DNAJC27: variants seen among roughly 807,000 people sequenced by gnomAD.
DNAJC27 encodes DnaJ heat shock protein family (Hsp40) member C27, also known as dnaJ homolog subfamily C member 27.
A neutral mutation model predicts 31.4 loss-of-function variants in DNAJC27; 25 were observed. The ratio of observed to expected loss-of-function variants is 0.80; its 90% CI spans 0.58 to 1.11. The LOEUF is 1.11. Among genes scored for constraint, DNAJC27 ranks in the 50% most tolerant of loss-of-function variants. DNAJC27 has a pLI of 0.00. For synonymous variants in DNAJC27, 106 were observed against 112.7 expected (o/e 0.94, Z 0.37); for missense variants, 356 against 347.3 (o/e 1.02, Z -0.20).
At chr2:24,969,671 G>A (rs1211378215) in intron 1 of DNAJC27, among the ~76,000 whole-genome samples, 1 of 152,100 alleles carries the variant, frequency 6.6e-6, no homozygotes, top group Admixed American at 6.5e-5. Context: ...TAGAGATGGG[G>A]TTTCACCATG....
intron 3 of DNAJC27, chr2:24,958,482 G>A (rs562188034): frequency 1.0e-5 from 3 of 295,710 alleles, no homozygotes; most frequent in Admixed American, 3.8e-5. Context: ...CAGAGCCTCA[G>A]TGTGATACAA....
chr2:24,955,797 A>C (rs553372252), intron 5 of DNAJC27, among the ~76,000 whole-genome samples: 1 of 152,366 alleles, frequency 6.6e-6, no homozygotes, highest in East Asian at 1.9e-4. Flanking sequence ...TGTTGAAAAA[A>C]ATCTCATTTC....
In DNAJC27 at chr2:24,950,859, TA is replaced by T. The variant is rs199540265; in HGVS notation, c.689+534del. 2.2e-3 allele frequency among the ~76,000 whole-genome samples: 314 copies of T among 141,790 alleles called. 1 individual carries two copies. Among genetic ancestry groups the T allele is most frequent in the Non-Finnish European group, 3.3e-3 (211 of 63,842 alleles). 93.0% of individuals were successfully genotyped at this position (141,790 alleles called of 152,430 possible). A position where few individuals can be genotyped will look rare whatever the true frequency, so the allele number is the denominator to read the frequency against. ...TGAGACTCTGTCTCAAAAATAAAAA[TA>T]AAAAAAAAAAATAAACAAATACACA... On this transcript the variant is annotated intron_variant, in intron 6 of 6. Transcript: ENST00000264711.
In DNAJC27 at chr2:24,947,560, C is replaced by A; in HGVS notation, c.*56G>T. Reference sequence around the variant, plus strand: ...GAAAACTCCACGTTGGTTATTTCACCTCTAGGGAAAGTCTGTTTGCATTTG... The same window carrying A: ...GAAAACTCCACGTTGGTTATTTCACATCTAGGGAAAGTCTGTTTGCATTTG... On this transcript the variant is annotated 3_prime_UTR_variant, in exon 7 of 7. Coordinates refer to ENST00000264711, the MANE Select transcript of DNAJC27 (RefSeq NM_016544.3). 1.3e-6 allele frequency: 2 copies of A among 1,548,292 alleles called. No individual in the cohort carries two copies. The highest frequency in any genetic ancestry group is 1.8e-6 in the Non-Finnish European group (2 of 1,137,710).
chr2:24,952,469 TCCC>T lies in DNAJC27; in HGVS notation c.529-918_529-916del, dbSNP rs1288883037. Among the ~76,000 whole-genome samples the T allele has an allele frequency of 5.3e-5, 8 of 152,336 alleles. No homozygotes were observed. The South Asian group carries it at 1.7e-3, about 32-fold the overall frequency. Reference sequence around the variant, plus strand: ...TGTTCAGTATTGTATTGTGTAGCTGTCCCATAATTTGTGTAACCAACTCTCTAT... The same window carrying T: ...TGTTCAGTATTGTATTGTGTAGCTGTATAATTTGTGTAACCAACTCTCTAT... On this transcript the variant is annotated intron_variant, in intron 5 of 6. Transcript: ENST00000264711.
chr2:24,957,663 T>C (rs752321311), intron 4 of DNAJC27, 147 bp downstream of exon 4: 2 of 800,048 alleles, frequency 2.5e-6, no homozygotes, highest in Non-Finnish European at 3.9e-6. Flanking sequence ...TGTGTTGTTT[T>C]GTTTTTGTCT....
intron 5 of DNAJC27, among the ~76,000 whole-genome samples, chr2:24,956,353 C>A (rs1272416081): frequency 6.6e-6 from 1 of 152,148 alleles, no homozygotes; most frequent in Admixed American, 6.5e-5. Context: ...TTTTAAATAG[C>A]CTATTTCCCT....
chr2:24,947,776 A>G (rs1665682260), intron 6 of DNAJC27, 28 bp from the exon 7 acceptor site: 1 of 1,601,490 alleles, frequency 6.2e-7, no homozygotes, highest in Admixed American at 1.7e-5. Flanking sequence ...GATCTATGTT[A>G]GTAACAGAGT....
chr2:24,944,909 A>G lies in DNAJC27; in HGVS notation c.*2707T>C, dbSNP rs1665610832. 1.3e-5 allele frequency: 2 copies of G among 152,680 alleles called. No homozygotes were observed. The highest frequency in any genetic ancestry group is 2.1e-4 in the South Asian group (1 of 4,828). The allele number at this position is 152,680 out of a possible 1,614,324, so 9.5% of individuals were successfully genotyped here. A position where few individuals can be genotyped will look rare whatever the true frequency, so the allele number is the denominator to read the frequency against. The stretch of plus-strand genomic sequence containing the variant: ...GATGTTGAAGACATGGCTTTTCTTT[A>G]ATAATAGCTATTCAAACTTTTTATT... On this transcript the variant is annotated 3_prime_UTR_variant, in exon 7 of 7. Coordinates refer to ENST00000264711, the MANE Select transcript of DNAJC27 (RefSeq NM_016544.3).
At position 24,971,015 on chromosome 2, in the gene DNAJC27, G is replaced by A. The variant is rs574626029; in HGVS notation, c.87+803C>T. On this transcript the variant is annotated intron_variant, in intron 1 of 6. Transcript: ENST00000264711. The stretch of plus-strand genomic sequence containing the variant: ...ACCGCAGTGGGAATGTGAAGACTTA[G>A]GTTCTAATCTTTCCTCGGTCACTGA... Among the ~76,000 whole-genome samples the A allele has an allele frequency of 5.3e-5, 8 of 152,322 alleles. No individual in the cohort carries two copies. In the South Asian group the frequency reaches 1.0e-3, roughly 20 times the overall value.
At chr2:24,966,005 A>C (rs1666171379) in intron 2 of DNAJC27, among the ~76,000 whole-genome samples, 1 of 152,232 alleles carries the variant, frequency 6.6e-6, no homozygotes, top group Admixed American at 6.5e-5. Context: ...ACACATATAC[A>C]AATAATAACA....
chr2:24,952,310 T>C (rs1192362330), intron 5 of DNAJC27, among the ~76,000 whole-genome samples: 2 of 152,200 alleles, frequency 1.3e-5, no homozygotes, highest in East Asian at 3.8e-4. Flanking sequence ...TATACACAGA[T>C]CCATACTCTT....
At chr2:24,962,977 T>C (rs1666085947) in intron 3 of DNAJC27, 1 of 153,694 alleles carries the variant, frequency 6.5e-6, no homozygotes, top group Non-Finnish European at 1.4e-5. Flanking sequence ...ATAAATCAAG[T>C]AGTTGCTTTA....
chr2:24,960,422 G>A (rs533533272), intron 3 of DNAJC27, among the ~76,000 whole-genome samples: 4 of 152,102 alleles, frequency 2.6e-5, no homozygotes, highest in East Asian at 3.9e-4. Context: ...ACAATACAAC[G>A]GCCTCTAAGT....
intron 1 of DNAJC27, among the ~76,000 whole-genome samples, chr2:24,968,139 A>G (rs1666236806): frequency 6.6e-6 from 1 of 152,186 alleles, no homozygotes; most frequent in Admixed American, 6.5e-5. Flanking sequence ...AGAGTATTGT[A>G]CATACTTCTA....
Position 24,945,515 on chromosome 2 carries a change from A to G in DNAJC27, c.*2101T>C, listed in dbSNP as rs1319729199. 1 of 152,224 alleles carries G rather than the reference A, an allele frequency of 6.6e-6. No homozygotes were observed. The highest frequency in any genetic ancestry group is 1.5e-5 in the Non-Finnish European group (1 of 68,044). The allele number at this position is 152,224 out of a possible 1,614,324, so 9.4% of individuals were successfully genotyped here. On this transcript the variant is annotated 3_prime_UTR_variant, in exon 7 of 7. Transcript: ENST00000264711. The stretch of plus-strand genomic sequence containing the variant: ...CCACACATTCAGAGTTGTCGTGTCA[A>G]TTCGGGCTGACGCTACCGTGCACGA...
At chr2:24,961,173 T>C (rs924803004) in intron 3 of DNAJC27, among the ~76,000 whole-genome samples, 1 of 152,192 alleles carries the variant, frequency 6.6e-6, no homozygotes, top group Non-Finnish European at 1.5e-5. Flanking sequence ...CCTTAAGAAT[T>C]ATGCTAAATC....
Position 24,947,522 on chromosome 2 carries a change from A to G in DNAJC27, c.*94T>C, listed in dbSNP as rs1215209064. On this transcript the variant is annotated 3_prime_UTR_variant, in exon 7 of 7. Coordinates refer to ENST00000264711, the MANE Select transcript of DNAJC27 (RefSeq NM_016544.3). The stretch of plus-strand genomic sequence containing the variant: ...CAACACATGAATGAAAAGAGCAGTG[A>G]GATTCTGGGAAGGAAAACTCCACGT... The G allele has an allele frequency of 1.4e-6, 2 of 1,420,848 alleles. No individual in the cohort carries two copies. The highest frequency in any genetic ancestry group is 1.4e-5 in the African/African-American group (1 of 70,140). The allele number at this position is 1,420,848 out of a possible 1,614,324, so 88.0% of individuals were successfully genotyped here. A position where few individuals can be genotyped will look rare whatever the true frequency, so the allele number is the denominator to read the frequency against.
At chr2:24,968,610 G>A (rs960279285) in intron 1 of DNAJC27, among the ~76,000 whole-genome samples, 2 of 152,076 alleles carry the variant, frequency 1.3e-5, no homozygotes, top group East Asian at 3.9e-4. Context: ...CCAAAGTGCT[G>A]AGATTACAGG....
Sources: allele counts gnomAD v4.1 joint callset (sites outside exome capture counted in the v4.1 genomes callset), GRCh38; gene constraint gnomAD v4.1.1; transcripts MANE v1.5; gene names NCBI Gene and HGNC (gene_info 2026-07-23, HGNC 2026-07-21).